ATF2: variants seen among roughly 807,000 people sequenced by gnomAD.
ATF2 encodes the protein activating transcription factor 2, also known as cyclic AMP-dependent transcription factor ATF-2.
ATF2 carries 24 observed loss-of-function variants against 60.6 expected under a neutral mutation model. The ratio of observed to expected loss-of-function variants is 0.40; its 90% CI spans 0.29 to 0.56. ATF2 has a LOEUF of 0.56. Among genes scored for constraint, ATF2 ranks in the 20% least tolerant of loss-of-function variants. The pLI is 0.54. For synonymous variants in ATF2, 206 were observed against 215.4 expected (o/e 0.96, Z 0.38); for missense variants, 433 against 607.7 (o/e 0.71, Z 3.02).
intron 10 of ATF2, among the ~76,000 whole-genome samples, chr2:175,103,231 G>A (rs1695423972): frequency 6.6e-6 from 1 of 152,168 alleles, no homozygotes; most frequent in African/African-American, 2.4e-5. Context: ...TGCCACAAAA[G>A]CTCATCAGAG....
intron 3 of ATF2, among the ~76,000 whole-genome samples, chr2:175,135,930 C>T (rs1309783314): frequency 1.3e-5 from 2 of 151,788 alleles, no homozygotes; most frequent in South Asian, 2.1e-4. Context: ...AACATTTCAA[C>T]GGGGATGTCA....
intron 4 of ATF2, among the ~76,000 whole-genome samples, chr2:175,128,500 CAAA>C (rs1181110162): frequency 8.2e-6 from 1 of 122,314 alleles, no homozygotes; most frequent in African/African-American, 3.0e-5. Flanking sequence ...AATTCCGTCT[CAAA>C]AAAAAAAAAA....
chr2:175,136,085 C>T (rs1188902380), intron 3 of ATF2, among the ~76,000 whole-genome samples: 1 of 147,416 alleles, frequency 6.8e-6, no homozygotes, highest in African/African-American at 2.5e-5. Flanking sequence ...ACTAGGGGAG[C>T]ACCCAGAGTA....
intron 2 of ATF2, among the ~76,000 whole-genome samples, chr2:175,147,416 C>T (rs1040796285): frequency 3.9e-5 from 6 of 152,070 alleles, no homozygotes; most frequent in South Asian, 2.1e-4. Context: ...TAGAAATATC[C>T]GGATTCTAAA....
At chr2:175,122,854 G>A (rs768823320) in intron 4 of ATF2, among the ~76,000 whole-genome samples, 2 of 151,716 alleles carry the variant, frequency 1.3e-5, no homozygotes, top group African/African-American at 4.8e-5. Flanking sequence ...AATCTGAGGG[G>A]GCTAAAAAAG....
intron 10 of ATF2, 60 bp from the exon 11 acceptor site, chr2:175,097,653 A>C: frequency 6.4e-7 from 1 of 1,560,674 alleles, no homozygotes; most frequent in South Asian, 1.1e-5. Context: ...CATGAATATC[A>C]ACAAGACAAA....
chr2:175,149,705 A>G (rs1375215250), intron 2 of ATF2, among the ~76,000 whole-genome samples: 1 of 152,186 alleles, frequency 6.6e-6, no homozygotes, highest in African/African-American at 2.4e-5. Context: ...CAAATGCTTA[A>G]CATTGTTTCT....
chr2:175,118,589 A>T lies in ATF2; in HGVS notation c.200-220T>A, dbSNP rs558176381. Among the ~76,000 whole-genome samples the T allele has an allele frequency of 2.0e-5, 3 of 151,848 alleles. No homozygotes were observed. The South Asian group carries it at 6.2e-4, about 31-fold the overall frequency. ...CTATGAAATATGAAAGTAGGAAAGA[A>T]GTCCTTTTTGCTCCTTAGTCCACTG... On this transcript the variant is annotated intron_variant, in intron 5 of 13. Coordinates refer to ENST00000264110, the MANE Select transcript of ATF2 (RefSeq NM_001880.4).
intron 11 of ATF2, among the ~76,000 whole-genome samples, chr2:175,097,065 T>G (rs1694981696): frequency 6.6e-6 from 1 of 152,220 alleles, no homozygotes; most frequent in African/African-American, 2.4e-5. Context: ...TTTTTCTGGT[T>G]ATATAACTAT....
intron 1 of ATF2, among the ~76,000 whole-genome samples, chr2:175,153,044 T>G (rs1212728125): frequency 2.0e-5 from 3 of 152,206 alleles, no homozygotes; most frequent in African/African-American, 7.2e-5. Context: ...TAATTGCGGT[T>G]TTTTCCATTA....
Position 175,074,801 on chromosome 2 carries a change from T to C in ATF2, c.1326A>G (p.Ser442=). Residue 442 remains serine, a synonymous_variant, in exon 14 of 14, where the codon TCA becomes TCG. Coordinates refer to ENST00000264110, the MANE Select transcript of ATF2 (RefSeq NM_001880.4). ...ADKDDSSEDI[S]VPSSPHTEAI... is the part of the protein sequence containing the mutation. ...CTTCTGTATGTGGACTACTCGGCAC[T>C]GAAATGTCTTCTGAACTATCATCTT... The C allele has an allele frequency of 6.2e-7, 1 of 1,613,558 alleles. No homozygotes were observed. The highest frequency in any genetic ancestry group is 2.2e-5 in the East Asian group (1 of 44,878).
chr2:175,108,478 G>A (rs561578674), intron 10 of ATF2, among the ~76,000 whole-genome samples: 33 of 145,060 alleles, frequency 2.3e-4, no homozygotes, highest in African/African-American at 7.0e-4. Context: ...GTCAGCCCCC[G>A]CCCGGCCAGC....
chr2:175,110,069 G>A (rs1696063546), intron 10 of ATF2, among the ~76,000 whole-genome samples: 1 of 152,166 alleles, frequency 6.6e-6, no homozygotes, highest in South Asian at 2.1e-4. Context: ...GGGTGTGGTG[G>A]CTCACGCCTG....
At chr2:175,117,218 G>C (rs1696636348) in intron 7 of ATF2, among the ~76,000 whole-genome samples, 1 of 147,640 alleles carries the variant, frequency 6.8e-6, no homozygotes, top group African/African-American at 2.6e-5. Context: ...TTTAAAATGA[G>C]AAAAAGAAAA....
intron 7 of ATF2, among the ~76,000 whole-genome samples, chr2:175,115,638 CT>C (rs1288075127): frequency 1.3e-5 from 2 of 152,124 alleles, no homozygotes; most frequent in Non-Finnish European, 2.9e-5. Context: ...TCATCAAAAT[CT>C]TATTAAGCTA....
At chr2:175,076,833 C>T (rs1375225343) in intron 13 of ATF2, among the ~76,000 whole-genome samples, 1 of 150,912 alleles carries the variant, frequency 6.6e-6, no homozygotes, top group Non-Finnish European at 1.5e-5. Flanking sequence ...TTTTAGGGTA[C>T]ATGTGCACAA....
At chr2:175,084,168 A>G (rs1350852619) in intron 12 of ATF2, among the ~76,000 whole-genome samples, 2 of 152,148 alleles carry the variant, frequency 1.3e-5, no homozygotes, top group Non-Finnish European at 2.9e-5. Flanking sequence ...ACTATAAATC[A>G]TGCTGCTATA....
intron 2 of ATF2, 60 bp from the exon 3 acceptor site, chr2:175,136,546 T>C: frequency 3.5e-6 from 4 of 1,137,380 alleles, no homozygotes; most frequent in South Asian, 1.4e-5. Context: ...CTTGAAACAG[T>C]AGAAAATAAA....
chr2:175,119,371 G>A (rs891880136), intron 5 of ATF2, among the ~76,000 whole-genome samples: 1 of 151,520 alleles, frequency 6.6e-6, no homozygotes, highest in Admixed American at 6.6e-5. Flanking sequence ...TGGTTTAAGA[G>A]AAAATACTCC....
Sources: allele counts gnomAD v4.1 joint callset (sites outside exome capture counted in the v4.1 genomes callset), GRCh38; gene constraint gnomAD v4.1.1; transcripts MANE v1.5; gene names NCBI Gene and HGNC (gene_info 2026-07-23, HGNC 2026-07-21).